The following WARS2 variants were observed in gnomAD, a reference collection of about 807,000 sequenced individuals.
WARS2 encodes tryptophanyl tRNA synthetase 2, mitochondrial.
Under a neutral mutation model 36.5 loss-of-function variants are expected in WARS2, and 28 were observed. The observed-to-expected ratio is 0.77, with a 90% CI of 0.57 to 1.05. WARS2 has a LOEUF of 1.05. Among genes scored for constraint, WARS2 ranks in the 50% least tolerant of loss-of-function variants. The pLI, the probability that WARS2 is intolerant of heterozygous loss-of-function variation, is 0.00. For synonymous variants in WARS2, 174 were observed against 178.4 expected, an observed-to-expected ratio of 0.98 and a Z score of 0.20; for missense variants, 435 against 456.8, an observed-to-expected ratio of 0.95 and a Z score of 0.44.
rs587624530 is a variant in WARS2, at chr1:119,106,232, C to T, written c.91-29625G>A. On this transcript the variant is annotated intron_variant, in intron 1 of 5. Transcript: ENST00000235521. The stretch of plus-strand genomic sequence containing the variant: ...ATGGAGTTCCCATATATCCTGTCCC[C>T]ACATATATATCACCTTCCCCACTAC... Among the ~76,000 whole-genome samples the T allele has an allele frequency of 1.4e-4, 22 of 152,206 alleles. No homozygotes were observed. In the East Asian group the frequency reaches 4.1e-3, roughly 28 times the overall value.
intron 2 of WARS2, among the ~76,000 whole-genome samples, chr1:119,071,731 T>C (rs1157754909): frequency 6.6e-6 from 1 of 152,140 alleles, no homozygotes; most frequent in East Asian, 1.9e-4. Context: ...AGGAATAAGT[T>C]CAAGAGATCT....
In WARS2 at chr1:119,082,940, G is replaced by A. The variant is rs146739924; in HGVS notation, c.91-6333C>T. On this transcript the variant is annotated intron_variant, in intron 1 of 5. Coordinates refer to ENST00000235521, the MANE Select transcript of WARS2 (RefSeq NM_015836.4). Reference sequence around the variant, plus strand: ...GATGGATTAATGCCCTTATAAAAGAGGCTTCAGGCTGGGTGTGGTGGCTCA... The same window carrying A: ...GATGGATTAATGCCCTTATAAAAGAAGCTTCAGGCTGGGTGTGGTGGCTCA... 3.2e-4 allele frequency among the ~76,000 whole-genome samples: 48 copies of A among 152,296 alleles called. 3 individuals are homozygous for A. In the East Asian group the frequency reaches 9.3e-3, roughly 29 times the overall value.
chr1:119,134,657 C>T (rs1026822797), intron 1 of WARS2, among the ~76,000 whole-genome samples: 2 of 152,120 alleles, frequency 1.3e-5, no homozygotes, highest in African/African-American at 2.4e-5. Flanking sequence ...AAACTAAATG[C>T]CTGAGCAGAG....
intron 4 of WARS2, among the ~76,000 whole-genome samples, chr1:119,038,978 G>A (rs921231028): frequency 2.0e-5 from 3 of 152,184 alleles, no homozygotes; most frequent in African/African-American, 4.8e-5. Flanking sequence ...CACTGTGCCC[G>A]TCAGTTTCCA....
intron 1 of WARS2, among the ~76,000 whole-genome samples, chr1:119,090,529 T>C (rs140426552): frequency 1.6e-3 from 243 of 152,298 alleles, no homozygotes; most frequent in African/African-American, 5.6e-3. Context: ...ACTTTTTGTA[T>C]TGTTTAACTT....
At chr1:119,039,341 ATG>A (rs1464443673) in intron 4 of WARS2, among the ~76,000 whole-genome samples, 4 of 152,086 alleles carry the variant, frequency 2.6e-5, no homozygotes, top group South Asian at 4.2e-4. Flanking sequence ...TTATATATGT[ATG>A]TGTGTGCCTT....
intron 2 of WARS2, among the ~76,000 whole-genome samples, chr1:119,072,553 T>C (rs1651406625): frequency 6.6e-6 from 1 of 152,082 alleles, no homozygotes; most frequent in African/African-American, 2.4e-5. Context: ...GGACTAACTT[T>C]ACAGGAAATA....
intron 1 of WARS2, among the ~76,000 whole-genome samples, chr1:119,091,932 C>T (rs1364467431): frequency 6.6e-6 from 1 of 152,182 alleles, no homozygotes; most frequent in Non-Finnish European, 1.5e-5. Flanking sequence ...CAAAATGACA[C>T]AGAAAACAGG....
intron 1 of WARS2, among the ~76,000 whole-genome samples, chr1:119,101,431 C>T (rs1653854663): frequency 6.6e-6 from 1 of 152,144 alleles, no homozygotes; most frequent in Non-Finnish European, 1.5e-5. Flanking sequence ...CTGCATAATA[C>T]AGGTGCTTAA....
At chr1:119,106,278 G>T (rs189888573) in intron 1 of WARS2, among the ~76,000 whole-genome samples, 8 of 152,114 alleles carry the variant, frequency 5.3e-5, no homozygotes, top group Non-Finnish European at 1.2e-4. Context: ...CACCATAGTG[G>T]TACATTTGTT....
intron 1 of WARS2, among the ~76,000 whole-genome samples, chr1:119,139,096 T>C (rs1455691326): frequency 1.3e-5 from 2 of 152,192 alleles, no homozygotes; most frequent in South Asian, 2.1e-4. Flanking sequence ...TTTGATAGCA[T>C]AGGTGTTAAT....
chr1:119,086,226 C>T (rs1035763255), intron 1 of WARS2, among the ~76,000 whole-genome samples: 1 of 152,120 alleles, frequency 6.6e-6, no homozygotes, highest in Middle Eastern at 3.2e-3. Flanking sequence ...TTTTCATTAT[C>T]TCTTGTGGCC....
chr1:119,122,411 G>A (rs1655384747), intron 1 of WARS2, among the ~76,000 whole-genome samples: 1 of 152,188 alleles, frequency 6.6e-6, no homozygotes, highest in South Asian at 2.1e-4. Flanking sequence ...TGGCATGGAT[G>A]TGGTGAGAAG....
intron 1 of WARS2, among the ~76,000 whole-genome samples, chr1:119,133,617 T>A (rs1656258967): frequency 6.6e-6 from 1 of 152,204 alleles, no homozygotes; most frequent in Admixed American, 6.5e-5. Flanking sequence ...CTTAAAACCA[T>A]GCTTGGCACA....
chr1:119,088,918 T>C (rs1358874774), intron 1 of WARS2, among the ~76,000 whole-genome samples: 1 of 152,212 alleles, frequency 6.6e-6, no homozygotes, highest in Non-Finnish European at 1.5e-5. Context: ...CCTTCTGATC[T>C]TTCCTACCAG....
chr1:119,057,519 G>A (rs767937834), intron 2 of WARS2, among the ~76,000 whole-genome samples: 16 of 151,840 alleles, frequency 1.1e-4, no homozygotes, highest in Non-Finnish European at 1.9e-4. Flanking sequence ...GCCGAGCACA[G>A]TGGCTCATGC....
chr1:119,051,793 G>A (rs900207211), intron 2 of WARS2, among the ~76,000 whole-genome samples: 4 of 125,096 alleles, frequency 3.2e-5, no homozygotes, highest in Admixed American at 1.8e-4. Context: ...TTTGAGACAA[G>A]GTCTCACTCT....
intron 1 of WARS2, among the ~76,000 whole-genome samples, chr1:119,124,357 G>A (rs890936929): frequency 7.2e-5 from 11 of 152,188 alleles, no homozygotes; most frequent in African/African-American, 2.6e-4. Flanking sequence ...GCCAGGTATG[G>A]TGTGCGCCTG....
At chr1:119,039,275 T>A (rs1180088808) in intron 4 of WARS2, among the ~76,000 whole-genome samples, 1 of 152,186 alleles carries the variant, frequency 6.6e-6, no homozygotes, top group Non-Finnish European at 1.5e-5. Context: ...GTGCCCTTTT[T>A]CCGGATCAGT....
Sources: allele counts gnomAD v4.1 joint callset (sites outside exome capture counted in the v4.1 genomes callset), GRCh38; gene constraint gnomAD v4.1.1; transcripts MANE v1.5; gene names NCBI Gene and HGNC (gene_info 2026-07-23, HGNC 2026-07-21).